ESRRG: variants seen among roughly 807,000 people sequenced by gnomAD.
ESRRG encodes estrogen related receptor gamma, also known as estrogen-related receptor gamma.
Under a neutral mutation model 44.0 loss-of-function variants are expected in ESRRG, and 13 were observed. The observed-to-expected ratio is 0.30, with a 90% CI of 0.19 to 0.47. The LOEUF is 0.47. Ranked by LOEUF, ESRRG falls within the 20% of genes least tolerant of loss-of-function variation. The pLI, the probability that ESRRG is intolerant of heterozygous loss-of-function variation, is 1.00. For missense variants in ESRRG, 395 were observed against 580.6 expected, an observed-to-expected ratio of 0.68 and a Z score of 3.29; for synonymous variants, 215 against 214.6, an observed-to-expected ratio of 1.00 and a Z score of -0.02.
intron 3 of ESRRG, among the ~76,000 whole-genome samples, chr1:216,569,307 C>T (rs1182080080): frequency 1.3e-5 from 2 of 151,820 alleles, no homozygotes; most frequent in African/African-American, 4.8e-5. Context: ...AAAAGAAGAG[C>T]TTCCCAAAGA....
intron 2 of ESRRG, among the ~76,000 whole-genome samples, chr1:216,899,643 A>C (rs1488389245): frequency 6.6e-6 from 1 of 152,256 alleles, no homozygotes; most frequent in Non-Finnish European, 1.5e-5. Flanking sequence ...GGGGCTCTGC[A>C]TAAGCCCTCT....
At chr1:216,749,012 C>A (rs1438631643) in intron 2 of ESRRG, among the ~76,000 whole-genome samples, 1 of 152,094 alleles carries the variant, frequency 6.6e-6, no homozygotes, top group African/African-American at 2.4e-5. Flanking sequence ...TCATCCATCC[C>A]TTTTAATTTG....
In ESRRG at chr1:216,735,979, C is replaced by CAAAA. The variant is rs5780916; in HGVS notation, c.-13-58492_-13-58489dup. 9.2e-4 allele frequency among the ~76,000 whole-genome samples: 106 copies of CAAAA among 115,518 alleles called. 3 individuals are homozygous for CAAAA. The East Asian group carries it at 0.01, about 11-fold the overall frequency. The allele number at this position is 115,518 out of a possible 152,430, so 75.8% of individuals were successfully genotyped here. A position where few individuals can be genotyped will look rare whatever the true frequency, so the allele number is the denominator to read the frequency against. On this transcript the variant is annotated intron_variant, in intron 2 of 7. Transcript: ENST00000359162. ...GGCGACAGAGCAATACTCCCCATCTCAAAAAAAAATATATATATATATATA... is the reference window on the plus strand; with the variant it reads ...GGCGACAGAGCAATACTCCCCATCTCAAAAAAAAAAAAATATATATATATATATA...
At chr1:217,082,668 C>CCA (rs1307600305) in intron 1 of ESRRG, among the ~76,000 whole-genome samples, 1 of 150,878 alleles carries the variant, frequency 6.6e-6, no homozygotes, top group East Asian at 2.0e-4. Flanking sequence ...CACCCCCACC[C>CCA]CACACACACA....
At chr1:216,888,861 G>A (rs2057401597) in intron 2 of ESRRG, among the ~76,000 whole-genome samples, 2 of 152,152 alleles carry the variant, frequency 1.3e-5, no homozygotes, top group African/African-American at 4.8e-5. Context: ...CAGCCACTGT[G>A]AATGGAAAGG....
intron 3 of ESRRG, among the ~76,000 whole-genome samples, chr1:216,618,255 C>A (rs1488123383): frequency 6.6e-6 from 1 of 152,040 alleles, no homozygotes; most frequent in African/African-American, 2.4e-5. Flanking sequence ...ATGGATATAC[C>A]CTGATAGATT....
chr1:217,051,579 G>A (rs1481084415), intron 1 of ESRRG, among the ~76,000 whole-genome samples: 1 of 152,166 alleles, frequency 6.6e-6, no homozygotes, highest in Non-Finnish European at 1.5e-5. Flanking sequence ...CTTTACTTAT[G>A]TTTCAGAAAC....
At chr1:216,689,844 C>T (rs9804067) in intron 1 of ESRRG, among the ~76,000 whole-genome samples, 1 of 150,732 alleles carries the variant, frequency 6.6e-6, no homozygotes, top group Non-Finnish European at 1.5e-5. Context: ...TGTGCTAATT[C>T]TGATATCTCT....
intron 1 of ESRRG, among the ~76,000 whole-genome samples, chr1:216,958,834 A>G (rs916794065): frequency 6.6e-6 from 1 of 152,082 alleles, no homozygotes; most frequent in African/African-American, 2.4e-5. Context: ...CAGACCTCTC[A>G]GAGCTCCTGT....
intron 1 of ESRRG, 137 bp from the exon 2 acceptor site, chr1:216,677,628 A>T (rs904511423): frequency 8.1e-6 from 6 of 736,580 alleles, no homozygotes; most frequent in Non-Finnish European, 1.3e-5. Flanking sequence ...AAAAAACAGA[A>T]TTCATATGTT....
intron 3 of ESRRG, among the ~76,000 whole-genome samples, chr1:216,611,586 C>T (rs1211979782): frequency 6.6e-6 from 1 of 151,974 alleles, no homozygotes; most frequent in Admixed American, 6.5e-5. Flanking sequence ...ATTGACGGAA[C>T]ATGAACTCAG....
intron 2 of ESRRG, among the ~76,000 whole-genome samples, chr1:216,653,112 T>C (rs1010766487): frequency 6.6e-6 from 1 of 152,204 alleles, no homozygotes; most frequent in Non-Finnish European, 1.5e-5. Flanking sequence ...TGCTAAAAAC[T>C]TCTACCAGGA....
At chr1:216,675,291 T>G (rs150000889) in intron 2 of ESRRG, among the ~76,000 whole-genome samples, 5 of 151,334 alleles carry the variant, frequency 3.3e-5, no homozygotes, top group Non-Finnish European at 7.4e-5. Context: ...ACCCAGGAGA[T>G]GTAGGTTGCA....
intron 2 of ESRRG, among the ~76,000 whole-genome samples, chr1:216,889,405 C>T (rs1203859364): frequency 6.6e-6 from 1 of 152,180 alleles, no homozygotes; most frequent in African/African-American, 2.4e-5. Flanking sequence ...AATCAAAGGT[C>T]CTGAGGCTGA....
intron 3 of ESRRG, among the ~76,000 whole-genome samples, chr1:216,594,802 A>G (rs2058200090): frequency 1.3e-5 from 2 of 152,232 alleles, no homozygotes; most frequent in African/African-American, 4.8e-5. Context: ...AATATTAATT[A>G]TCTATGGCCT....
intron 1 of ESRRG, among the ~76,000 whole-genome samples, chr1:216,951,523 G>A (rs2066944600): frequency 6.6e-6 from 1 of 151,798 alleles, no homozygotes. Flanking sequence ...CTGCTTGGTT[G>A]GGCTGTTTTT....
In ESRRG at chr1:217,129,241, C is replaced by T. The variant is rs184522123; in HGVS notation, c.-230+8426G>A. Among the ~76,000 whole-genome samples, 395 of 152,316 alleles carry T rather than the reference C, an allele frequency of 2.6e-3. 1 individual carries two copies. Among genetic ancestry groups the T allele is most frequent in the African/African-American group, 9.1e-3 (379 of 41,582 alleles). On this transcript the variant is annotated intron_variant, in intron 1 of 8. Coordinates refer to the ESRRG transcript ENST00000366940. ...TGGTCAATAAGCACATGAAAATATA[C>T]TTGGCATCATTAGTTACTAGGAAAA...
At chr1:216,776,929 C>T (rs1193523299) in intron 2 of ESRRG, among the ~76,000 whole-genome samples, 1 of 152,054 alleles carries the variant, frequency 6.6e-6, no homozygotes, top group Non-Finnish European at 1.5e-5. Context: ...AAGGAGAGGA[C>T]CCAAGAAGTT....
chr1:216,621,244 TTTTTTCTTCATG>T (rs1264523761), intron 3 of ESRRG, among the ~76,000 whole-genome samples: 2 of 152,206 alleles, frequency 1.3e-5, no homozygotes, highest in Non-Finnish European at 2.9e-5. Flanking sequence ...ATTTAAACAT[TTTTTTCTTCATG>T]TTTTATTGGA....
Sources: allele counts gnomAD v4.1 joint callset (sites outside exome capture counted in the v4.1 genomes callset), GRCh38; gene constraint gnomAD v4.1.1; transcripts MANE v1.5; gene names NCBI Gene and HGNC (gene_info 2026-07-23, HGNC 2026-07-21).